HPSE2: variants seen among roughly 807,000 people sequenced by gnomAD.
HPSE2 encodes the protein inactive heparanase-2.
A neutral mutation model predicts 60.5 loss-of-function variants in HPSE2; 38 were observed. The observed-to-expected ratio is 0.63, with a 90% CI of 0.48 to 0.82. The LOEUF is 0.82. HPSE2 is among the 40% of genes least tolerant of loss of function. The pLI is 0.00. For missense variants in HPSE2, 713 were observed against 740.4 expected (o/e 0.96, Z 0.43); for synonymous variants, 295 against 293.2 (o/e 1.01, Z -0.06).
At chr10:98,956,990 G>A (rs1955526084) in intron 3 of HPSE2, among the ~76,000 whole-genome samples, 1 of 152,204 alleles carries the variant, frequency 6.6e-6, no homozygotes, top group South Asian at 2.1e-4. Context: ...TTGAATGAGA[G>A]AGTGTGCAGG....
At chr10:98,900,999 T>C (rs1953651645) in intron 3 of HPSE2, among the ~76,000 whole-genome samples, 1 of 152,170 alleles carries the variant, frequency 6.6e-6, no homozygotes, top group South Asian at 2.1e-4. Context: ...GGTATATTCA[T>C]ACAGTAGAAT....
chr10:99,119,088 A>AGGGAGG (rs1329075298), intron 3 of HPSE2, among the ~76,000 whole-genome samples: 2 of 56,992 alleles, frequency 3.5e-5, no homozygotes, highest in Non-Finnish European at 1.0e-4. Flanking sequence ...AGAGAAAGAA[A>AGGGAGG]GAGAGAGAGA....
intron 2 of HPSE2, among the ~76,000 whole-genome samples, chr10:99,163,715 T>A (rs547542249): frequency 6.6e-6 from 1 of 152,258 alleles, no homozygotes; most frequent in African/African-American, 2.4e-5. Flanking sequence ...TTAGTTTCCA[T>A]GTCTCCTTAG....
chr10:99,115,455 A>G (rs1028946328), intron 3 of HPSE2, among the ~76,000 whole-genome samples: 1 of 145,622 alleles, frequency 6.9e-6, no homozygotes, highest in Admixed American at 6.9e-5. Context: ...CGCTTGGCCA[A>G]TTTTTTTTTT....
the HPSE2 span, among the ~76,000 whole-genome samples, chr10:99,305,693 G>C: frequency 6.6e-6 from 1 of 151,960 alleles, no homozygotes; most frequent in Non-Finnish European, 1.5e-5. Flanking sequence ...ACAGATATTG[G>C]AGTTAGCAGA....
At chr10:98,859,225 T>C (rs1157046948) in intron 3 of HPSE2, among the ~76,000 whole-genome samples, 1 of 152,220 alleles carries the variant, frequency 6.6e-6, no homozygotes, top group African/African-American at 2.4e-5. Context: ...CACAGCAAAG[T>C]TGAGTAGTTT....
the HPSE2 span, among the ~76,000 whole-genome samples, chr10:99,249,507 C>T: frequency 6.6e-6 from 1 of 152,198 alleles, no homozygotes; most frequent in African/African-American, 2.4e-5. Context: ...AAGTAACTAA[C>T]TTGTTTTTGA....
chr10:99,148,021 T>C (rs940021688), intron 2 of HPSE2, among the ~76,000 whole-genome samples: 10 of 152,230 alleles, frequency 6.6e-5, no homozygotes, highest in African/African-American at 2.2e-4. Flanking sequence ...TTACTAAGAT[T>C]TGTAGGCTTT....
chr10:99,250,586 G>A, the HPSE2 span, among the ~76,000 whole-genome samples: 1 of 151,932 alleles, frequency 6.6e-6, no homozygotes, highest in African/African-American at 2.4e-5. Context: ...ATACTGCAAG[G>A]TCGACCACGT....
chr10:99,235,480 A>T (rs770708309), intron 1 of HPSE2, 33 bp downstream of exon 1: 35 of 1,611,866 alleles, frequency 2.2e-5, no homozygotes, highest in Non-Finnish European at 2.7e-5. Flanking sequence ...TTACTAAAAA[A>T]TTTTAAATGA....
At chr10:98,632,648 T>C (rs1946394091) in intron 7 of HPSE2, among the ~76,000 whole-genome samples, 1 of 152,184 alleles carries the variant, frequency 6.6e-6, no homozygotes. Context: ...AGAGGCTAAT[T>C]TACCGAGAAG....
At chr10:98,981,548 T>C (rs1191049148) in intron 3 of HPSE2, among the ~76,000 whole-genome samples, 1 of 152,176 alleles carries the variant, frequency 6.6e-6, no homozygotes, top group Non-Finnish European at 1.5e-5. Context: ...TTCAAGAATG[T>C]TAATTCCTCC....
At chr10:98,767,632 ATATT>A (rs935075014) in intron 3 of HPSE2, among the ~76,000 whole-genome samples, 1 of 146,156 alleles carries the variant, frequency 6.8e-6, no homozygotes, top group Non-Finnish European at 1.5e-5. Context: ...TTAATATGTA[ATATT>A]TATTAATATT....
At chr10:99,056,752 CAG>C (rs1040450352) in intron 3 of HPSE2, among the ~76,000 whole-genome samples, 1 of 152,062 alleles carries the variant, frequency 6.6e-6, no homozygotes, top group Non-Finnish European at 1.5e-5. Flanking sequence ...AAATGGGACA[CAG>C]AGAGCATTAA....
intron 2 of HPSE2, among the ~76,000 whole-genome samples, chr10:99,177,440 T>C (rs1406720555): frequency 6.6e-6 from 1 of 150,458 alleles, no homozygotes; most frequent in African/African-American, 2.5e-5. Context: ...ACCAAGCAAA[T>C]GGAAAGCAAA....
chr10:99,246,488 C>T, the HPSE2 span, among the ~76,000 whole-genome samples: 82,924 of 152,184 alleles, frequency 0.54, 24,436 homozygotes, highest in East Asian at 0.66. Flanking sequence ...GGCTCATGCC[C>T]GTAATCCCAG....
chr10:98,817,927 T>C (rs1239094361), intron 3 of HPSE2, among the ~76,000 whole-genome samples: 1 of 152,234 alleles, frequency 6.6e-6, no homozygotes, highest in Non-Finnish European at 1.5e-5. Context: ...TATCCATTAA[T>C]ACAGTCATCT....
intron 3 of HPSE2, among the ~76,000 whole-genome samples, chr10:98,887,097 G>A (rs1180791303): frequency 6.6e-6 from 1 of 152,094 alleles, no homozygotes; most frequent in Non-Finnish European, 1.5e-5. Flanking sequence ...ACCAAACAAT[G>A]AGTTTTCCTA....
intron 3 of HPSE2, among the ~76,000 whole-genome samples, chr10:99,081,927 C>T (rs559474402): frequency 1.2e-3 from 184 of 152,266 alleles, no homozygotes; most frequent in African/African-American, 4.3e-3. Context: ...TGAGCCACCC[C>T]GCCCAGCCGA....
Sources: gnomAD v4.1 joint callset for allele counts (sites outside exome capture counted in the v4.1 genomes callset) on GRCh38, gnomAD v4.1.1 for gene constraint, MANE v1.5 for transcripts, NCBI Gene and HGNC (gene_info 2026-07-23, HGNC 2026-07-21) for gene names.